DCLRE1C: variants seen among roughly 807,000 people sequenced by gnomAD.
The protein encoded by DCLRE1C is DNA cross-link repair 1C.
In DCLRE1C, 47 loss-of-function variants were observed where a neutral mutation model predicts 61.4. The observed-to-expected ratio is 0.77, with a 90% CI of 0.61 to 0.98. DCLRE1C has a LOEUF of 0.98. Ranked by LOEUF, DCLRE1C falls within the 50% of genes least tolerant of loss-of-function variation. DCLRE1C has a pLI of 0.00. For missense variants in DCLRE1C, 858 were observed against 816.0 expected (o/e 1.05, Z -0.63); for synonymous variants, 337 against 287.6 (o/e 1.17, Z -1.74).
At chr10:14,899,171 A>G (rs1773915699) in exon 14 of DCLRE1C, 1 of 700,690 alleles carries the variant, frequency 1.4e-6, no homozygotes, top group Admixed American at 2.0e-5. Flanking sequence ...AAACTAAATC[A>G]TTAGCTGGGC....
At position 14,906,751 on chromosome 10, in the gene DCLRE1C, ATAAC is replaced by A. The variant is rs1033914523; in HGVS notation, c.*1653_*1656del. Among the ~76,000 whole-genome samples the A allele has an allele frequency of 3.2e-4, 49 of 152,358 alleles. No homozygotes were observed. Among genetic ancestry groups the A allele is most frequent in the African/African-American group, 1.0e-3 (42 of 41,584 alleles). On this transcript the variant is annotated 3_prime_UTR_variant, in exon 14 of 14. Transcript: ENST00000378278. ...CTTCCATAATCTATGAAATGTCACA[ATAAC>A]TAAGTGTTCCTGAATATCTGTTAAA...
downstream of DCLRE1C, chr10:14,901,058 A>G (rs1458455965): frequency 2.0e-6 from 3 of 1,537,534 alleles, no homozygotes; most frequent in Admixed American, 5.9e-5. Context: ...CTAGGAAAGT[A>G]AACATTTTAT....
chr10:14,903,899 G>A (rs1357653635), downstream of DCLRE1C: 4 of 152,032 alleles, frequency 2.6e-5, no homozygotes, highest in South Asian at 8.3e-4. Context: ...CTCTTTCTTG[G>A]GAGAAGCTAG....
chr10:14,902,061 A>G (rs1215146554), downstream of DCLRE1C, among the ~76,000 whole-genome samples: 1 of 152,188 alleles, frequency 6.6e-6, no homozygotes, highest in Non-Finnish European at 1.5e-5. Flanking sequence ...CTGTGCTTTT[A>G]TATACGGTGT....
chr10:14,935,151 T>A (rs1839694832), intron 6 of DCLRE1C, among the ~76,000 whole-genome samples: 1 of 151,500 alleles, frequency 6.6e-6, no homozygotes, highest in South Asian at 2.1e-4. Context: ...GCAATAAAAC[T>A]TTATTCAGTC....
intron 1 of DCLRE1C, among the ~76,000 whole-genome samples, chr10:14,950,597 T>C (rs1018404463): frequency 1.3e-5 from 2 of 152,126 alleles, no homozygotes; most frequent in African/African-American, 4.8e-5. Flanking sequence ...TCAAGGGATA[T>C]CTGGTCCAGT....
At chr10:14,945,434 C>G (rs999179743) in intron 2 of DCLRE1C, 1 of 1,236,868 alleles carries the variant, frequency 8.1e-7, no homozygotes, top group Non-Finnish European at 1.0e-6. Context: ...TCTCAACATA[C>G]CTATGCACAC....
At position 14,909,004 on chromosome 10, in the gene DCLRE1C, T is replaced by C. The variant is rs1488642778; in HGVS notation, c.1483A>G (p.Arg495Gly). 6.2e-7 allele frequency: 1 copy of C among 1,614,090 alleles called. No homozygotes were observed. The highest frequency in any genetic ancestry group is 2.2e-5 in the East Asian group (1 of 44,880). ...DVPQWEVFFK[R>G]NDEITDESLE... Reference sequence around the variant, plus strand: ...CTCTCATCTGTGATTTCATCATTTCTTTTAAAGAATACTTCCCACTGGGGT... The same window carrying C: ...CTCTCATCTGTGATTTCATCATTTCCTTTAAAGAATACTTCCCACTGGGGT... Residue 495 changes from arginine to glycine, a missense_variant, in exon 14 of 14, where the codon AGA (arginine) becomes GGA (glycine). Arg to Gly is a moderately radical substitution (Grantham distance 125). Transcript: ENST00000378278.
intron 4 of DCLRE1C, among the ~76,000 whole-genome samples, chr10:14,937,497 C>T (rs974023944): frequency 6.6e-5 from 10 of 151,812 alleles, no homozygotes; most frequent in South Asian, 2.1e-4. Context: ...TTCGCCAGGC[C>T]AGTCTTGAAC....
intron 4 of DCLRE1C, among the ~76,000 whole-genome samples, chr10:14,938,349 T>G (rs1285868015): frequency 2.6e-5 from 4 of 152,148 alleles, no homozygotes; most frequent in African/African-American, 9.7e-5. Flanking sequence ...TCACCTATTT[T>G]TTTTTTCCTT....
At chr10:14,930,277 CCTTT>C (rs1365359034) in intron 9 of DCLRE1C, among the ~76,000 whole-genome samples, 1 of 127,432 alleles carries the variant, frequency 7.8e-6, no homozygotes, top group African/African-American at 3.2e-5. Context: ...ACACTCAGCA[CCTTT>C]TTTTTTTTTT....
At position 14,908,775 on chromosome 10, in the gene DCLRE1C, G is replaced by T; in HGVS notation, c.1712C>A (p.Thr571Asn). Reference protein sequence around the residue: ...SSQERNSGDITSLDKADYRPT... With the variant: ...SSQERNSGDINSLDKADYRPT... ...TCTGTAGTCAGCTTTGTCCAAGGAA[G>T]TAATATCCCCACTGTTTCTCTCTTG... The change falls in exon 14 of 14, where the codon ACT (threonine) becomes AAT (asparagine). Residue 571 changes from threonine to asparagine, a missense_variant. Physicochemically the swap from Thr to Asn is moderately conservative, Grantham distance 65. This residue lies in a region of DCLRE1C where 843 missense variants were observed against 783.5 expected (regional missense o/e 1.08). Transcript: ENST00000378278. 1.2e-6 allele frequency: 2 copies of T among 1,614,214 alleles called. No individual in the cohort carries two copies. The highest frequency in any genetic ancestry group is 1.7e-6 in the Non-Finnish European group (2 of 1,180,040).
intron 2 of DCLRE1C, among the ~76,000 whole-genome samples, chr10:14,946,584 A>G (rs1841724396): frequency 6.6e-6 from 1 of 151,990 alleles, no homozygotes; most frequent in South Asian, 2.1e-4. Context: ...ACTTCCTCCT[A>G]GCTCTCTCTT....
intron 13 of DCLRE1C, among the ~76,000 whole-genome samples, chr10:14,910,797 C>T (rs1318066717): frequency 6.6e-6 from 1 of 152,126 alleles, no homozygotes; most frequent in Non-Finnish European, 1.5e-5. Context: ...GATTTAACCT[C>T]CCACTTGAAA....
chr10:14,917,902 C>T (rs193172759), intron 13 of DCLRE1C, among the ~76,000 whole-genome samples: 1 of 152,272 alleles, frequency 6.6e-6, no homozygotes. Context: ...CAAATACGCA[C>T]ATTAAAAGAT....
intron 2 of DCLRE1C, among the ~76,000 whole-genome samples, chr10:14,945,962 CTTT>C (rs1368427429): frequency 7.4e-5 from 7 of 94,632 alleles, no homozygotes; most frequent in Admixed American, 1.1e-4. Context: ...CCGGCCTATT[CTTT>C]TTTTTTTTTT....
chr10:14,932,725 C>A, intron 9 of DCLRE1C, 129 bp downstream of exon 9: 2 of 1,069,812 alleles, frequency 1.9e-6, no homozygotes. Flanking sequence ...TGACCTTGAG[C>A]TAACAACTTA....
rs138093467 is a variant in DCLRE1C at position 14,916,379 on chromosome 10, G to A, written c.1156+3359C>T. On this transcript the variant is annotated intron_variant, in intron 13 of 13. Coordinates refer to ENST00000378278, the MANE Select transcript of DCLRE1C (RefSeq NM_001033855.3). ...GCACTAGAACTGATACTTGAGATTA[G>A]CAAGGTTGCAGGATACAAGATCAAA... Among the ~76,000 whole-genome samples the A allele has an allele frequency of 1.2e-3, 190 of 152,318 alleles. 1 individual carries two copies. Among genetic ancestry groups the A allele is most frequent in the African/African-American group, 2.1e-3 (87 of 41,578 alleles).
At chr10:14,952,502 C>T (rs1239692979) in intron 1 of DCLRE1C, among the ~76,000 whole-genome samples, 4 of 152,106 alleles carry the variant, frequency 2.6e-5, no homozygotes, top group Non-Finnish European at 4.4e-5. Flanking sequence ...GCACGAGAAT[C>T]GCTTGAACCC....
Sources: allele counts gnomAD v4.1 joint callset (sites outside exome capture counted in the v4.1 genomes callset), GRCh38; gene constraint gnomAD v4.1.1; regional missense constraint gnomAD v4.1.1; transcripts MANE v1.5; gene names NCBI Gene and HGNC (gene_info 2026-07-23, HGNC 2026-07-21).